Variants in DISP3 observed in about 807,000 individuals in gnomAD.
DISP3 encodes the protein protein dispatched homolog 3.
In DISP3, 101 loss-of-function variants were observed where a neutral mutation model predicts 135.3. The ratio of observed to expected loss-of-function variants is 0.75; its 90% confidence interval spans 0.64 to 0.88. The LOEUF is 0.88. Among genes scored for constraint, DISP3 ranks in the 40% least tolerant of loss-of-function variants. The probability of loss-of-function intolerance (pLI) is 0.00; values close to 1 mark genes in which losing one functional copy is unlikely to be tolerated. For synonymous variants in DISP3, 856 were observed against 817.0 expected (o/e 1.05, Z -0.81); for missense variants, 1,713 against 1,878.6 (o/e 0.91, Z 1.63).
chr1:11,512,665 A>G (rs1030004977), intron 3 of DISP3, among the ~76,000 whole-genome samples: 3 of 152,054 alleles, frequency 2.0e-5, no homozygotes, highest in Admixed American at 6.5e-5. Flanking sequence ...AACTGTTCCA[A>G]TCTCTGCCTG....
At chr1:11,497,377 C>T (rs575824042) in intron 1 of DISP3, among the ~76,000 whole-genome samples, 37 of 151,622 alleles carry the variant, frequency 2.4e-4, no homozygotes, top group African/African-American at 8.5e-4. Flanking sequence ...CCCAAGTCCC[C>T]AAAATCCATT....
intron 1 of DISP3, among the ~76,000 whole-genome samples, chr1:11,482,513 G>T (rs999200676): frequency 6.6e-6 from 1 of 152,122 alleles, no homozygotes; most frequent in Non-Finnish European, 1.5e-5. Flanking sequence ...GTCCCTAAGG[G>T]CCATCAGTCA....
Position 11,520,905 on chromosome 1 carries a change from T to G in DISP3, c.2362+57T>G, listed in dbSNP as rs1205707161. ...GCTCAGGTGTCCGGGTCCCAAAGAC[T>G]GTTGGTCTGAGAGATGCAGGATCCA... On this transcript the variant is annotated intron_variant, in intron 10 of 20. Transcript: ENST00000294484. The surrounding 1 kb of genome is among the most constrained non-coding windows in gnomAD (Gnocchi z 4.8). 2 of 1,516,634 alleles carry G rather than the reference T, an allele frequency of 1.3e-6. No individual in the cohort carries two copies. The highest frequency in any genetic ancestry group is 8.9e-7 in the Non-Finnish European group (1 of 1,124,810). The allele number at this position is 1,516,634 out of a possible 1,614,324, so 93.9% of individuals were successfully genotyped here. A position where few individuals can be genotyped will look rare whatever the true frequency, so the allele number is the denominator to read the frequency against.
chr1:11,511,662 G>A (rs528460976), intron 3 of DISP3, among the ~76,000 whole-genome samples: 3 of 152,158 alleles, frequency 2.0e-5, no homozygotes, highest in Non-Finnish European at 4.4e-5. Flanking sequence ...GGTGCAAGCT[G>A]TCAGTGGATC....
intron 3 of DISP3, among the ~76,000 whole-genome samples, chr1:11,512,568 T>C (rs1641886290): frequency 1.3e-5 from 2 of 152,194 alleles, no homozygotes; most frequent in African/African-American, 4.8e-5. Flanking sequence ...TCCATATCAC[T>C]ATCAGCATTT....
Position 11,516,262 on chromosome 1 carries a change from G to A in DISP3, c.1749+101G>A, listed in dbSNP as rs1642009844. 2.9e-6 allele frequency: 4 copies of A among 1,402,456 alleles called. No homozygotes were observed. The highest frequency in any genetic ancestry group is 3.9e-6 in the Non-Finnish European group (4 of 1,026,134). The allele number at this position is 1,402,456 out of a possible 1,614,324, so 86.9% of individuals were successfully genotyped here. A position where few individuals can be genotyped will look rare whatever the true frequency, so the allele number is the denominator to read the frequency against. ...CCACCACCGCTTGAGTGGCCATATA[G>A]CCTTCACCTCAAGGTACTTGCCCTG... On this transcript the variant is annotated intron_variant, in intron 6 of 20. Transcript: ENST00000294484. The surrounding 1 kb of genome is among the most constrained non-coding windows in gnomAD (Gnocchi z 5.1).
At chr1:11,533,202 G>A (rs2100516718) in intron 17 of DISP3, among the ~76,000 whole-genome samples, 1 of 151,226 alleles carries the variant, frequency 6.6e-6, no homozygotes, top group East Asian at 1.9e-4. Flanking sequence ...GACAACTCTG[G>A]GGGCCTCATG....
At chr1:11,525,089 G>A (rs897429336) in intron 11 of DISP3, 87 bp from the exon 12 acceptor site, 52 of 1,516,714 alleles carry the variant, frequency 3.4e-5, no homozygotes, top group Middle Eastern at 3.4e-4. Context: ...CTCGTTAGTC[G>A]ACAGAGCTGA....
Position 11,529,314 on chromosome 1 carries a change from G to A in DISP3, c.2799-242G>A, listed in dbSNP as rs1642510833. 6.6e-6 allele frequency among the ~76,000 whole-genome samples: 1 copy of A among 152,114 alleles called. No individual in the cohort carries two copies. The highest frequency in any genetic ancestry group is 1.5e-5 in the Non-Finnish European group (1 of 68,002). ...GGGGAGACTGAGACCCAGAGGGGCA[G>A]GGCCTTTACTAGGTTCCCATAGTCA... On this transcript the variant is annotated intron_variant, in intron 13 of 20. Coordinates refer to ENST00000294484, the MANE Select transcript of DISP3 (RefSeq NM_020780.2). The surrounding 1 kb of genome is among the most constrained non-coding windows in gnomAD (Gnocchi z 4.7).
intron 10 of DISP3, among the ~76,000 whole-genome samples, chr1:11,522,076 G>T (rs1023731385): frequency 3.3e-5 from 5 of 152,082 alleles, no homozygotes; most frequent in African/African-American, 1.2e-4. Flanking sequence ...AGTGGGAGTC[G>T]GGAATGAGCC....
At position 11,491,294 on chromosome 1, in the gene DISP3, C is replaced by T. The variant is rs1557592870; in HGVS notation, c.-3-9696C>T. ...TCTGGACCGCCTGTATCAGAATCAC[C>T]TGGGGAGGTGGTTTAAATACAGATT... On this transcript the variant is annotated intron_variant, in intron 1 of 20. Coordinates refer to ENST00000294484, the MANE Select transcript of DISP3 (RefSeq NM_020780.2). The surrounding 1 kb of genome is among the most constrained non-coding windows in gnomAD (Gnocchi z 4.3). Among the ~76,000 whole-genome samples, 1 of 152,168 alleles carries T rather than the reference C, an allele frequency of 6.6e-6. No individual in the cohort carries two copies. The highest frequency in any genetic ancestry group is 1.9e-4 in the East Asian group (1 of 5,200).
At chr1:11,534,723 C>T in intron 18 of DISP3, 183 bp downstream of exon 18, 3 of 823,562 alleles carry the variant, frequency 3.6e-6, no homozygotes, top group South Asian at 3.5e-5. Context: ...CTGTCGGGGG[C>T]ATCTGGCCAC....
At chr1:11,498,214 G>A (rs1054572614) in intron 1 of DISP3, among the ~76,000 whole-genome samples, 1 of 152,192 alleles carries the variant, frequency 6.6e-6, no homozygotes, top group Non-Finnish European at 1.5e-5. Flanking sequence ...TGCATTCCGC[G>A]GGTCAGGACA....
At chr1:11,490,023 G>A (rs1171093058) in intron 1 of DISP3, among the ~76,000 whole-genome samples, 1 of 152,156 alleles carries the variant, frequency 6.6e-6, no homozygotes, top group African/African-American at 2.4e-5. Context: ...AGATGCTGGG[G>A]TGCTGGACTG....
rs1302588383 is a variant in DISP3, at chr1:11,483,790, T to C, written c.-4+4418T>C. Reference sequence around the variant, plus strand: ...TCCCCGTGAGAGTCTGGAATGGGACTCAAGCTGTGAACCTTGGAGTGTGAA... The same window carrying C: ...TCCCCGTGAGAGTCTGGAATGGGACCCAAGCTGTGAACCTTGGAGTGTGAA... On this transcript the variant is annotated intron_variant, in intron 1 of 20. Coordinates refer to ENST00000294484, the MANE Select transcript of DISP3 (RefSeq NM_020780.2). The surrounding 1 kb of genome is among the most constrained non-coding windows in gnomAD (Gnocchi z 5.4). Among the ~76,000 whole-genome samples the C allele has an allele frequency of 2.6e-5, 4 of 152,226 alleles. No homozygotes were observed. The highest frequency in any genetic ancestry group is 4.4e-5 in the Non-Finnish European group (3 of 68,044).
intron 1 of DISP3, among the ~76,000 whole-genome samples, chr1:11,486,647 A>G (rs1443867117): frequency 4.6e-5 from 7 of 152,126 alleles, no homozygotes; most frequent in African/African-American, 1.7e-4. Flanking sequence ...AGCCTTCAGG[A>G]GGAAAGGAGT....
intron 3 of DISP3, among the ~76,000 whole-genome samples, chr1:11,510,291 G>T (rs191098237): frequency 6.6e-6 from 1 of 151,786 alleles, no homozygotes. Context: ...TGTTTTTTAT[G>T]ATTCTATTTT....
intron 3 of DISP3, among the ~76,000 whole-genome samples, chr1:11,505,643 A>T (rs1641677166): frequency 6.6e-6 from 1 of 152,256 alleles, no homozygotes; most frequent in South Asian, 2.1e-4. Flanking sequence ...ACCTTGACTT[A>T]TAACAGAATA....
In DISP3 at chr1:11,516,785, A is replaced by C; in HGVS notation, c.1749+624A>C. ...TCTGGAAACCAGTAGATGCTTTAGG[A>C]TTATCCAGGTCCTTCTAGAGAATCA... On this transcript the variant is annotated intron_variant, in intron 6 of 20. Transcript: ENST00000294484. The surrounding 1 kb of genome is among the most constrained non-coding windows in gnomAD (Gnocchi z 5.1). 6.6e-6 allele frequency among the ~76,000 whole-genome samples: 1 copy of C among 152,104 alleles called. No individual in the cohort carries two copies. The highest frequency in any genetic ancestry group is 1.5e-5 in the Non-Finnish European group (1 of 68,002).
Sources: allele counts gnomAD v4.1 joint callset (sites outside exome capture counted in the v4.1 genomes callset), GRCh38; gene constraint gnomAD v4.1.1; non-coding constraint Gnocchi (gnomAD v3.1); transcripts MANE v1.5; gene names NCBI Gene and HGNC (gene_info 2026-07-23, HGNC 2026-07-21).